The following PRKD1 variants were observed in gnomAD, a reference collection of about 807,000 sequenced individuals.
PRKD1 encodes the protein serine/threonine-protein kinase D1.
Under a neutral mutation model 95.9 loss-of-function variants are expected in PRKD1, and 63 were observed. The observed-to-expected ratio is 0.66, with a 90% CI of 0.54 to 0.81. The LOEUF is 0.81. Among genes scored for constraint, PRKD1 ranks in the 30% least tolerant of loss-of-function variants. The probability of loss-of-function intolerance (pLI) is 0.00; values close to 1 mark genes in which losing one functional copy is unlikely to be tolerated. For synonymous variants in PRKD1, 425 were observed against 423.1 expected (o/e 1.00, Z -0.05); for missense variants, 1,048 against 1,165.3 (o/e 0.90, Z 1.47).
chr14:29,637,019 C>T (rs1453402925), intron 6 of PRKD1, among the ~76,000 whole-genome samples: 6 of 152,104 alleles, frequency 3.9e-5, no homozygotes, highest in Non-Finnish European at 8.8e-5. Flanking sequence ...GCTCGTTTTC[C>T]GTTTTCCCAA....
At chr14:29,653,109 A>T (rs1364365584) in intron 4 of PRKD1, among the ~76,000 whole-genome samples, 1 of 152,160 alleles carries the variant, frequency 6.6e-6, no homozygotes, top group Non-Finnish European at 1.5e-5. Context: ...ATTACATGTG[A>T]GTCAGTAAAC....
At chr14:29,918,880 G>GA (rs1234234019) in intron 1 of PRKD1, among the ~76,000 whole-genome samples, 4 of 152,144 alleles carry the variant, frequency 2.6e-5, no homozygotes, top group African/African-American at 9.7e-5. Context: ...CTGAGTGTAG[G>GA]AAAAAATCAA....
At chr14:29,744,612 T>G (rs909472462) in intron 1 of PRKD1, among the ~76,000 whole-genome samples, 2 of 152,186 alleles carry the variant, frequency 1.3e-5, no homozygotes, top group Non-Finnish European at 2.9e-5. Context: ...AATGGCGTGA[T>G]CTCAGCTCAC....
At chr14:29,726,761 A>T (rs1198181104) in intron 1 of PRKD1, among the ~76,000 whole-genome samples, 1 of 151,842 alleles carries the variant, frequency 6.6e-6, no homozygotes, top group Non-Finnish European at 1.5e-5. Flanking sequence ...CTATTTCTGC[A>T]TGTCACTTAG....
chr14:29,856,594 C>CA (rs1207180993), intron 1 of PRKD1, among the ~76,000 whole-genome samples: 1 of 152,104 alleles, frequency 6.6e-6, no homozygotes, highest in Non-Finnish European at 1.5e-5. Flanking sequence ...CAAGAGGAAC[C>CA]AATCAATGTA....
chr14:29,894,310 C>T (rs532589545), intron 1 of PRKD1, among the ~76,000 whole-genome samples: 2 of 152,340 alleles, frequency 1.3e-5, no homozygotes, highest in East Asian at 1.9e-4. Flanking sequence ...AGCAAAATCA[C>T]GCAGAGCCTT....
At chr14:29,676,943 C>T (rs528177278) in intron 2 of PRKD1, among the ~76,000 whole-genome samples, 59 of 152,226 alleles carry the variant, frequency 3.9e-4, no homozygotes, top group Middle Eastern at 6.8e-3. Context: ...ATTAAAAATT[C>T]GGTTCCTCAG....
chr14:29,826,400 A>T (rs974281344), intron 1 of PRKD1, among the ~76,000 whole-genome samples: 2 of 92,026 alleles, frequency 2.2e-5, no homozygotes, highest in African/African-American at 9.3e-5. Flanking sequence ...ATATATACAT[A>T]TATATGATGG....
intron 1 of PRKD1, among the ~76,000 whole-genome samples, chr14:29,795,195 ATATT>A (rs1306103774): frequency 7.9e-5 from 12 of 152,210 alleles, no homozygotes; most frequent in African/African-American, 2.9e-4. Context: ...TCAAACTATT[ATATT>A]TATTGAGATG....
intron 1 of PRKD1, among the ~76,000 whole-genome samples, chr14:29,773,637 C>T (rs1271361814): frequency 3.9e-5 from 6 of 152,086 alleles, no homozygotes; most frequent in Admixed American, 2.6e-4. Context: ...TAATCTCATA[C>T]AATCCAATCT....
intron 17 of PRKD1, among the ~76,000 whole-genome samples, 160 bp downstream of exon 17, chr14:29,578,115 A>C (rs528564297): frequency 6.6e-6 from 1 of 152,200 alleles, no homozygotes; most frequent in Admixed American, 6.5e-5. Flanking sequence ...AGAAACACTA[A>C]ATTGTTATTA....
intron 16 of PRKD1, among the ~76,000 whole-genome samples, chr14:29,590,602 C>G (rs1343984763): frequency 6.6e-6 from 1 of 152,014 alleles, no homozygotes; most frequent in Non-Finnish European, 1.5e-5. Flanking sequence ...AACTCAGACA[C>G]GCTTGGTTTA....
intron 1 of PRKD1, among the ~76,000 whole-genome samples, chr14:29,781,008 A>C (rs915497887): frequency 4.6e-5 from 7 of 152,034 alleles, no homozygotes. Context: ...ATGAAGCTGG[A>C]AACCATCATT....
intron 16 of PRKD1, among the ~76,000 whole-genome samples, chr14:29,583,501 T>C (rs1892814552): frequency 6.6e-6 from 1 of 152,102 alleles, no homozygotes; most frequent in Non-Finnish European, 1.5e-5. Context: ...TTTCGAAAAG[T>C]GGTATGATTA....
chr14:29,874,590 G>A (rs1181812879), intron 1 of PRKD1, among the ~76,000 whole-genome samples: 1 of 152,110 alleles, frequency 6.6e-6, no homozygotes, highest in Non-Finnish European at 1.5e-5. Flanking sequence ...CAACCTAAGT[G>A]TCCATCAATG....
chr14:29,661,698 T>C (rs1327454571), intron 4 of PRKD1, among the ~76,000 whole-genome samples: 4 of 152,270 alleles, frequency 2.6e-5, no homozygotes, highest in East Asian at 1.9e-4. Context: ...GTGTGTCAAA[T>C]AGTGTCACAA....
At position 29,756,470 on chromosome 14, in the gene PRKD1, CT is replaced by C. The variant is rs45618339; in HGVS notation, c.265-30797del. The stretch of plus-strand genomic sequence containing the variant: ...TGCATGCATATTTAATAGTTCATCT[CT>C]ACAATTTAACTTTTAAGAATAAATG... On this transcript the variant is annotated intron_variant, in intron 1 of 17. Coordinates refer to ENST00000331968, the MANE Select transcript of PRKD1 (RefSeq NM_002742.3). Among the ~76,000 whole-genome samples the C allele has an allele frequency of 8.1e-4, 123 of 152,258 alleles. 3 individuals are homozygous for C. Among genetic ancestry groups the C allele is most frequent in the African/African-American group, 2.2e-3 (90 of 41,546 alleles).
chr14:29,672,360 A>C (rs572449345), intron 2 of PRKD1, among the ~76,000 whole-genome samples: 10 of 151,158 alleles, frequency 6.6e-5, no homozygotes, highest in African/African-American at 2.4e-4. Flanking sequence ...ATAAAATAAA[A>C]TAAAATAAAA....
In PRKD1 at chr14:29,826,760, T is replaced by C. The variant is rs8018055; in HGVS notation, c.264+100489A>G. Among the ~76,000 whole-genome samples the C allele has an allele frequency of 8.2e-3, 320 of 39,078 alleles. 69 individuals are homozygous for C. Among genetic ancestry groups the C allele is most frequent in the South Asian group, 0.03 (32 of 1,060 alleles). The allele number at this position is 39,078 out of a possible 152,430, so 25.6% of individuals were successfully genotyped here. ...ATATATATACACATATATATATACA[T>C]ATATATATACACATATATATACATA... is the stretch of plus-strand genomic sequence containing the variant. On this transcript the variant is annotated intron_variant, in intron 1 of 17. Coordinates refer to ENST00000331968, the MANE Select transcript of PRKD1 (RefSeq NM_002742.3).
Sources: gnomAD v4.1 joint callset for allele counts (sites outside exome capture counted in the v4.1 genomes callset) on GRCh38, gnomAD v4.1.1 for gene constraint, MANE v1.5 for transcripts, NCBI Gene and HGNC (gene_info 2026-07-23, HGNC 2026-07-21) for gene names.